The following MORN5 variants were observed in gnomAD, a reference collection of about 807,000 sequenced individuals.
The protein encoded by MORN5 is MORN repeat containing 5.
MORN5 carries 21 observed loss-of-function variants against 22.1 expected under a neutral mutation model. The observed-to-expected ratio is 0.95, with a 90% CI of 0.67 to 1.37. The LOEUF is 1.37. Ranked by LOEUF, MORN5 falls within the 40% of genes most tolerant of loss-of-function variation. MORN5 has a pLI of 0.00. For missense variants in MORN5, 211 were observed against 215.1 expected, an observed-to-expected ratio of 0.98 and a Z score of 0.12; for synonymous variants, 73 against 74.0, an observed-to-expected ratio of 0.99 and a Z score of 0.07.
chr9:122,166,727 G>C (rs2274747), intron 1 of MORN5, 41 bp from the exon 2 acceptor site: 645,815 of 1,579,672 alleles, frequency 0.41, 142,560 homozygotes, highest in Non-Finnish European at 0.46. Flanking sequence ...TGATCCTCCA[G>C]CTGTCACACA....
Position 122,170,894 on chromosome 9 carries a change from T to C in MORN5, c.307+1138T>C, listed in dbSNP as rs181557378. Among the ~76,000 whole-genome samples the C allele has an allele frequency of 5.8e-3, 882 of 152,122 alleles. 5 individuals are homozygous for C. Among genetic ancestry groups the C allele is most frequent in the Admixed American group, 0.012 (190 of 15,276 alleles). ...CTAATGTAGATGACAGGTTGATGGG[T>C]GCAGCAAACCACCATGGCACGTGTA... On this transcript the variant is annotated intron_variant, in intron 3 of 4. Transcript: ENST00000373764.
chr9:122,199,921 G>C lies in MORN5; in HGVS notation c.476G>C (p.Arg159Pro). ...DEHEWITRTC[R>P]KG Reference sequence around the variant, plus strand: ...CATGAGTGGATCACCCGTACCTGTCGAAAGGGCTAGGATGAGATCGTGGGT... The same window carrying C: ...CATGAGTGGATCACCCGTACCTGTCCAAAGGGCTAGGATGAGATCGTGGGT... Residue 159 changes from arginine (R) to proline (P), a missense_variant, in exon 5 of 5, where the codon CGA (arginine) becomes CCA (proline). Physicochemically the swap from Arg to Pro is moderately radical, Grantham distance 103. Coordinates refer to ENST00000373764, the MANE Select transcript of MORN5 (RefSeq NM_198469.4). 4 of 1,613,958 alleles carry C rather than the reference G, an allele frequency of 2.5e-6. No homozygotes were observed. Among genetic ancestry groups the C allele is most frequent in the Non-Finnish European group, 3.4e-6 (4 of 1,179,900 alleles).
At chr9:122,173,790 CA>C (rs1829402940) in intron 3 of MORN5, among the ~76,000 whole-genome samples, 1 of 152,186 alleles carries the variant, frequency 6.6e-6, no homozygotes, top group African/African-American at 2.4e-5. Flanking sequence ...GGCAGCTGAA[CA>C]TACAGGTTCC....
chr9:122,182,991 C>G (rs1324708244), intron 4 of MORN5, among the ~76,000 whole-genome samples: 1 of 152,206 alleles, frequency 6.6e-6, no homozygotes, highest in African/African-American at 2.4e-5. Context: ...TCTATCTCCT[C>G]TCTAGATAGG....
chr9:122,162,208 A>C (rs955701060), intron 1 of MORN5, among the ~76,000 whole-genome samples: 2 of 152,252 alleles, frequency 1.3e-5, no homozygotes, highest in Admixed American at 6.5e-5. Context: ...GCAGTGTTCC[A>C]AGGAATATGT....
chr9:122,186,869 A>AACTC (rs1261033659), intron 4 of MORN5, among the ~76,000 whole-genome samples: 4 of 152,318 alleles, frequency 2.6e-5, no homozygotes, highest in Admixed American at 2.0e-4. Flanking sequence ...CAAGCTCTGG[A>AACTC]ACTCAGCACT....
chr9:122,173,434 G>A (rs1004750980), intron 3 of MORN5, among the ~76,000 whole-genome samples: 1 of 152,152 alleles, frequency 6.6e-6, no homozygotes, highest in Non-Finnish European at 1.5e-5. Flanking sequence ...GTACATATGG[G>A]GTTAGGTTTA....
intron 4 of MORN5, among the ~76,000 whole-genome samples, chr9:122,199,121 A>C (rs1385577282): frequency 3.3e-5 from 5 of 152,168 alleles, no homozygotes; most frequent in Non-Finnish European, 7.3e-5. Flanking sequence ...CTGTGGACTG[A>C]ATGTGATTCA....
chr9:122,171,714 C>T (rs1296914806), intron 3 of MORN5, among the ~76,000 whole-genome samples: 4 of 152,150 alleles, frequency 2.6e-5, no homozygotes, highest in African/African-American at 9.7e-5. Flanking sequence ...ATCCTCCCTT[C>T]CCCTGCCCCC....
At position 122,173,200 on chromosome 9, in the gene MORN5, C is replaced by T. The variant is rs561012701; in HGVS notation, c.308-1296C>T. On this transcript the variant is annotated intron_variant, in intron 3 of 4. Coordinates refer to ENST00000373764, the MANE Select transcript of MORN5 (RefSeq NM_198469.4). Reference sequence around the variant, plus strand: ...ACTTCTCCTGTGACCCTCAGAAGAGCAGCTTGATTCTAAGTAGCTACTTCC... The same window carrying T: ...ACTTCTCCTGTGACCCTCAGAAGAGTAGCTTGATTCTAAGTAGCTACTTCC... Among the ~76,000 whole-genome samples the T allele has an allele frequency of 3.9e-5, 6 of 152,312 alleles. 1 individual carries two copies. Among genetic ancestry groups the T allele is most frequent in the Middle Eastern group, 3.4e-3 (1 of 294 alleles).
At chr9:122,183,760 A>G (rs1829569944) in intron 4 of MORN5, among the ~76,000 whole-genome samples, 1 of 152,244 alleles carries the variant, frequency 6.6e-6, no homozygotes, top group South Asian at 2.1e-4. Context: ...CCCAATGGTT[A>G]AAGAGATAAC....
At chr9:122,196,341 T>A (rs1588320745) in intron 4 of MORN5, among the ~76,000 whole-genome samples, 1 of 151,602 alleles carries the variant, frequency 6.6e-6, no homozygotes, top group African/African-American at 2.4e-5. Flanking sequence ...AATAATTTTT[T>A]TTTTTTTTTT....
chr9:122,187,065 C>A (rs1027122369), intron 4 of MORN5, among the ~76,000 whole-genome samples: 1 of 152,240 alleles, frequency 6.6e-6, no homozygotes, highest in Non-Finnish European at 1.5e-5. Context: ...ATAGACCCCC[C>A]TTCCAGGGCT....
At chr9:122,170,874 G>A (rs1829355787) in intron 3 of MORN5, among the ~76,000 whole-genome samples, 1 of 152,182 alleles carries the variant, frequency 6.6e-6, no homozygotes, top group Admixed American at 6.5e-5. Context: ...AATACCTAAT[G>A]TAGATGACAG....
chr9:122,178,076 C>G (rs1829480253), intron 4 of MORN5, among the ~76,000 whole-genome samples: 1 of 152,208 alleles, frequency 6.6e-6, no homozygotes, highest in South Asian at 2.1e-4. Flanking sequence ...AACAAATATG[C>G]TAGCCAGGCA....
chr9:122,176,682 G>A (rs1211969598), intron 4 of MORN5, among the ~76,000 whole-genome samples: 5 of 151,982 alleles, frequency 3.3e-5, no homozygotes, highest in Middle Eastern at 3.2e-3. Flanking sequence ...GTTCGAGACC[G>A]CCTGGCCAAC....
chr9:122,171,678 C>A (rs1205778315), intron 3 of MORN5, among the ~76,000 whole-genome samples: 1 of 152,180 alleles, frequency 6.6e-6, no homozygotes, highest in African/African-American at 2.4e-5. Context: ...CACTGAATGT[C>A]ATGCCCATCC....
intron 4 of MORN5, among the ~76,000 whole-genome samples, chr9:122,188,753 A>C (rs539124030): frequency 3.3e-5 from 5 of 152,354 alleles, no homozygotes; most frequent in Middle Eastern, 3.4e-3. Flanking sequence ...GAGGAACAGC[A>C]ACATCAACAG....
At chr9:122,190,028 C>A in intron 4 of MORN5, among the ~76,000 whole-genome samples, 1 of 152,034 alleles carries the variant, frequency 6.6e-6, no homozygotes, top group African/African-American at 2.4e-5. Flanking sequence ...CTTTTCCCCT[C>A]ACCCATCAAC....
Sources: allele counts gnomAD v4.1 joint callset (sites outside exome capture counted in the v4.1 genomes callset), GRCh38; gene constraint gnomAD v4.1.1; transcripts MANE v1.5; gene names NCBI Gene and HGNC (gene_info 2026-07-23, HGNC 2026-07-21).